The following PLK4 variants were observed in gnomAD, a reference collection of about 807,000 sequenced individuals.
PLK4 encodes the protein serine/threonine-protein kinase PLK4.
A neutral mutation model predicts 103.0 loss-of-function variants in PLK4; 51 were observed. The observed-to-expected ratio is 0.50, with a 90% CI of 0.40 to 0.63. PLK4 has a LOEUF of 0.63. Among genes scored for constraint, PLK4 ranks in the 20% least tolerant of loss-of-function variants. The pLI is 0.00. For missense variants in PLK4, 1,054 were observed against 1,151.0 expected (o/e 0.92, Z 1.22); for synonymous variants, 389 against 376.8 (o/e 1.03, Z -0.38).
chr4:127,891,007 T>A, intron 7 of PLK4, 85 bp from the exon 8 acceptor site: 1 of 685,612 alleles, frequency 1.5e-6, no homozygotes, highest in Non-Finnish European at 2.5e-6. Context: ...CTGCCATGGT[T>A]AAGTACTCCT....
At chr4:127,897,824 CTTTTTTTT>C (rs200741150) in intron 15 of PLK4, among the ~76,000 whole-genome samples, 9 of 28,798 alleles carry the variant, frequency 3.1e-4, no homozygotes, top group East Asian at 1.3e-3. Flanking sequence ...AGAATTAGGG[CTTTTTTTT>C]TTTTTTTTTT....
chr4:127,898,383 A>T (rs928132060), intron 15 of PLK4, 56 bp from the exon 16 acceptor site: 6 of 827,350 alleles, frequency 7.3e-6, no homozygotes, highest in Non-Finnish European at 1.2e-5. Context: ...TGGGACTCTC[A>T]TGAGAACCAA....
chr4:127,895,328 A>G (rs1735520490), intron 14 of PLK4, among the ~76,000 whole-genome samples: 1 of 151,936 alleles, frequency 6.6e-6, no homozygotes, highest in Non-Finnish European at 1.5e-5. Flanking sequence ...TGGGTGACCT[A>G]CTTTTGCCAT....
chr4:127,899,039 A>T lies in PLK4; in HGVS notation c.*498A>T, dbSNP rs1017510723. On this transcript the variant is annotated 3_prime_UTR_variant, in exon 16 of 16. Coordinates refer to ENST00000270861, the MANE Select transcript of PLK4 (RefSeq NM_014264.5). ...TCTGATGAAACATTTTTGCAAATGC[A>T]TTTTATAAAAAAATAAATATAGTGA... 2 of 152,526 alleles carry T rather than the reference A, an allele frequency of 1.3e-5. No individual in the cohort carries two copies. Among genetic ancestry groups the T allele is most frequent in the Admixed American group, 1.3e-4 (2 of 15,278 alleles). The allele number at this position is 152,526 out of a possible 1,614,324, so 9.4% of individuals were successfully genotyped here. A position where few individuals can be genotyped will look rare whatever the true frequency, so the allele number is the denominator to read the frequency against.
At position 127,893,410 on chromosome 4, in the gene PLK4, G is replaced by T; in HGVS notation, c.2314G>T (p.Ala772Ser). ...KEEIKMYMDH[A>S]NEGHRICLAL... Reference sequence around the variant, plus strand: ...GGAGATAAAAATGTATATGGACCATGCTAATGAGGTACATACCTAATTGTA... The same window carrying T: ...GGAGATAAAAATGTATATGGACCATTCTAATGAGGTACATACCTAATTGTA... The change falls in exon 11 of 16, where the codon GCT becomes TCT. Residue 772 changes from alanine (A) to serine (S), a missense_variant. By Grantham distance (99) the Ala-to-Ser change is moderately conservative (BLOSUM62 1). This residue lies in a region of PLK4 where 680 missense variants were observed against 660.3 expected (regional missense o/e 1.03). Transcript: ENST00000270861. The T allele has an allele frequency of 6.2e-7, 1 of 1,605,212 alleles. No individual in the cohort carries two copies. The highest frequency in any genetic ancestry group is 8.5e-7 in the Non-Finnish European group (1 of 1,174,808).
intron 2 of PLK4, among the ~76,000 whole-genome samples, chr4:127,882,399 C>T (rs1734964740): frequency 6.6e-6 from 1 of 152,110 alleles, no homozygotes; most frequent in Non-Finnish European, 1.5e-5. Context: ...GCAGGTGGAT[C>T]ACCTGAGCTC....
Position 127,898,618 on chromosome 4 carries a change from T to A in PLK4, c.*77T>A. The stretch of plus-strand genomic sequence containing the variant: ...TTCAAGTAAAGTGATTTTTTTTAAT[T>A]TAACATAAAGTCTTCAGAAAGCCTT... On this transcript the variant is annotated 3_prime_UTR_variant, in exon 16 of 16. Transcript: ENST00000270861. 5 of 735,614 alleles carry A rather than the reference T, an allele frequency of 6.8e-6. No homozygotes were observed. The highest frequency in any genetic ancestry group is 9.4e-6 in the Non-Finnish European group (4 of 427,278). The allele number at this position is 735,614 out of a possible 1,614,324, so 45.6% of individuals were successfully genotyped here.
In PLK4 at chr4:127,895,003, C is replaced by T; in HGVS notation, c.2613C>T (p.Asp871=). ...LGLTTTASGT[D]ISSNSLKDCL... is the part of the protein sequence containing the mutation. ...TTACAACTACAGCTTCTGGAACAGA[C>T]ATCTCTTCTAATAGTCTAAAAGATT... Residue 871 remains aspartate (D), a synonymous_variant, in exon 14 of 16, where the codon GAC becomes GAT. Coordinates refer to ENST00000270861, the MANE Select transcript of PLK4 (RefSeq NM_014264.5). 6.2e-7 allele frequency: 1 copy of T among 1,604,400 alleles called. No homozygotes were observed.
intron 5 of PLK4, 109 bp downstream of exon 5, chr4:127,886,837 A>C (rs1035824136): frequency 3.2e-6 from 2 of 633,738 alleles, no homozygotes; most frequent in Non-Finnish European, 5.2e-6. Context: ...TGTCTAAAAA[A>C]AAAAACCACT....
Position 127,889,848 on chromosome 4 carries a change from A to C in PLK4, c.1460-18A>C. On this transcript the variant is annotated intron_variant, in intron 6 of 15. Transcript: ENST00000270861. ...TTTTAGTTATTTACTAAATTGCTTC[A>C]TTCTATGTATATTGTAGCTCATTTA... 1 of 1,531,798 alleles carries C rather than the reference A, an allele frequency of 6.5e-7. No homozygotes were observed. Among genetic ancestry groups the C allele is most frequent in the Non-Finnish European group, 8.8e-7 (1 of 1,136,726 alleles). 94.9% of individuals were successfully genotyped at this position (1,531,798 alleles called of 1,614,324 possible).
intron 7 of PLK4, 167 bp from the exon 8 acceptor site, chr4:127,890,925 T>C (rs1735331772): frequency 2.3e-6 from 1 of 442,974 alleles, no homozygotes. Flanking sequence ...TGGTTCACAG[T>C]TGTGCTCAAA....
chr4:127,891,334 T>C (rs1735350745), intron 8 of PLK4, 138 bp downstream of exon 8: 1 of 470,666 alleles, frequency 2.1e-6, no homozygotes, highest in Admixed American at 3.9e-5. Flanking sequence ...AATTCAAAAA[T>C]TGAAATAGCA....
rs1578747752 is a variant in PLK4 at position 127,880,973 on chromosome 4, T to G, written c.-162T>G. 1 of 717,928 alleles carries G rather than the reference T, an allele frequency of 1.4e-6. No homozygotes were observed. The highest frequency in any genetic ancestry group is 2.4e-6 in the Non-Finnish European group (1 of 425,218). 44.5% of individuals were successfully genotyped at this position (717,928 alleles called of 1,614,324 possible). A position where few individuals can be genotyped will look rare whatever the true frequency, so the allele number is the denominator to read the frequency against. On this transcript the variant is annotated 5_prime_UTR_variant, in exon 1 of 16. Transcript: ENST00000270861. The stretch of plus-strand genomic sequence containing the variant: ...GAGGCACCGCCCAGGCCTCGGAAGG[T>G]GTCAGGGAGAACTTTCCGTGGTTTC...
At chr4:127,888,227 T>TC (rs1281188247) in intron 6 of PLK4, among the ~76,000 whole-genome samples, 1 of 120,012 alleles carries the variant, frequency 8.3e-6, no homozygotes, top group Non-Finnish European at 1.7e-5. Context: ...TTTCAGTACG[T>TC]CTCAATAAAG....
intron 4 of PLK4, among the ~76,000 whole-genome samples, chr4:127,885,219 C>T (rs934172280): frequency 6.6e-6 from 1 of 151,978 alleles, no homozygotes; most frequent in Non-Finnish European, 1.5e-5. Flanking sequence ...GTGGCTCAAG[C>T]CTGAAATCCC....
At chr4:127,890,257 A>G (rs1735305235) in intron 7 of PLK4, 21 bp downstream of exon 7, 1 of 1,550,078 alleles carries the variant, frequency 6.5e-7, no homozygotes, top group South Asian at 1.2e-5. Flanking sequence ...TATCTTCTTA[A>G]GTTACTAAAT....
At position 127,886,082 on chromosome 4, in the gene PLK4, G is replaced by A. The variant is rs1735113557; in HGVS notation, c.712G>A (p.Ala238Thr). The stretch of plus-strand genomic sequence containing the variant: ...AATGCCATCTTTTTTGTCAATAGAG[G>A]CCAAGGACCTTATTCACCAGTTACT... The part of the protein sequence containing the change: ...YEMPSFLSIE[A>T]KDLIHQLLRR... Residue 238 changes from alanine (A) to threonine (T), a missense_variant, in exon 5 of 16, where the codon GCC becomes ACC. Transcript: ENST00000270861. 1 of 1,614,030 alleles carries A rather than the reference G, an allele frequency of 6.2e-7. No homozygotes were observed. The highest frequency in any genetic ancestry group is 8.5e-7 in the Non-Finnish European group (1 of 1,179,944).
chr4:127,885,129 A>AT (rs1735069509), intron 4 of PLK4, among the ~76,000 whole-genome samples: 1 of 152,106 alleles, frequency 6.6e-6, no homozygotes, highest in Non-Finnish European at 1.5e-5. Flanking sequence ...ACTGCATGTA[A>AT]AACGCTCATC....
chr4:127,897,036 G>C, intron 15 of PLK4, 129 bp downstream of exon 15: 1 of 573,252 alleles, frequency 1.7e-6, no homozygotes. Flanking sequence ...TCTTTAAACT[G>C]TTAATTATTC....
Sources: allele counts gnomAD v4.1 joint callset (sites outside exome capture counted in the v4.1 genomes callset), GRCh38; gene constraint gnomAD v4.1.1; regional missense constraint gnomAD v4.1.1; transcripts MANE v1.5; gene names NCBI Gene and HGNC (gene_info 2026-07-23, HGNC 2026-07-21).